Variants in ADARB2 observed in about 807,000 individuals in gnomAD.
ADARB2 encodes adenosine deaminase RNA specific B2 (inactive), also known as inactive double-stranded RNA-specific editase B2.
A neutral mutation model predicts 62.2 loss-of-function variants in ADARB2; 25 were observed. That is an observed-to-expected ratio of 0.40 (90% CI 0.29 to 0.56). The LOEUF (loss-of-function observed/expected upper bound fraction) is 0.56. Ranked by LOEUF, ADARB2 falls within the 20% of genes least tolerant of loss-of-function variation. The pLI, the probability that ADARB2 is intolerant of heterozygous loss-of-function variation, is 0.43. For synonymous variants in ADARB2, 572 were observed against 500.8 expected (o/e 1.14, Z -1.90); for missense variants, 1,071 against 1,077.4 (o/e 0.99, Z 0.08).
At chr10:1,462,383 C>T (rs904899990) in intron 1 of ADARB2, among the ~76,000 whole-genome samples, 5 of 152,256 alleles carry the variant, frequency 3.3e-5, no homozygotes, top group Admixed American at 2.6e-4. Flanking sequence ...ACAAAAGGTA[C>T]TCCACACAAG....
chr10:1,456,757 G>T (rs552259684), intron 1 of ADARB2, among the ~76,000 whole-genome samples: 6 of 152,260 alleles, frequency 3.9e-5, no homozygotes, highest in Admixed American at 1.3e-4. Context: ...TGAGACTTCT[G>T]TAAGAAAATA....
At chr10:1,467,791 T>G (rs1012136614) in intron 1 of ADARB2, among the ~76,000 whole-genome samples, 1 of 152,188 alleles carries the variant, frequency 6.6e-6, no homozygotes, top group Non-Finnish European at 1.5e-5. Flanking sequence ...CTTCCGTTAT[T>G]CCATCCTGTG....
chr10:1,714,085 T>C (rs1212552293), intron 1 of ADARB2, among the ~76,000 whole-genome samples: 1 of 152,208 alleles, frequency 6.6e-6, no homozygotes, highest in African/African-American at 2.4e-5. Flanking sequence ...AAGGTACTCT[T>C]TGGACTGGAT....
At chr10:1,643,416 A>G (rs1834001280) in intron 1 of ADARB2, among the ~76,000 whole-genome samples, 1 of 152,206 alleles carries the variant, frequency 6.6e-6, no homozygotes, top group South Asian at 2.1e-4. Flanking sequence ...TTGACGTGTT[A>G]CATTTTCCCA....
chr10:1,491,338 AGG>A (rs1218202934), intron 1 of ADARB2, among the ~76,000 whole-genome samples: 1 of 152,150 alleles, frequency 6.6e-6, no homozygotes, highest in East Asian at 1.9e-4. Context: ...CTAAAGTGCT[AGG>A]ATTACAGGCA....
At chr10:1,270,438 G>A (rs1831250011) in intron 4 of ADARB2, among the ~76,000 whole-genome samples, 1 of 152,162 alleles carries the variant, frequency 6.6e-6, no homozygotes, top group Non-Finnish European at 1.5e-5. Flanking sequence ...TTATTAATGG[G>A]TTGGTGGCTC....
intron 4 of ADARB2, among the ~76,000 whole-genome samples, chr10:1,248,125 C>T (rs73592257): frequency 0.029 from 4,344 of 152,194 alleles, 201 homozygotes; most frequent in African/African-American, 0.098. Flanking sequence ...GCAGCAAAGA[C>T]GCCAGGCGAG....
chr10:1,417,521 T>C (rs4382822), intron 1 of ADARB2, among the ~76,000 whole-genome samples: 1 of 152,244 alleles, frequency 6.6e-6, no homozygotes, highest in Non-Finnish European at 1.5e-5. Flanking sequence ...ATTCCTATTT[T>C]ACACGTGAAC....
intron 1 of ADARB2, among the ~76,000 whole-genome samples, chr10:1,492,733 C>T (rs1368549111): frequency 1.3e-5 from 2 of 151,934 alleles, no homozygotes; most frequent in African/African-American, 2.4e-5. Flanking sequence ...GGACCCCGGC[C>T]TTCTGAGTCT....
chr10:1,391,224 AGCTCCT>A (rs1213493880), intron 1 of ADARB2, among the ~76,000 whole-genome samples: 2 of 152,120 alleles, frequency 1.3e-5, no homozygotes, highest in Non-Finnish European at 2.9e-5. Context: ...AAACACCTAA[AGCTCCT>A]GCCCAACAAC....
intron 1 of ADARB2, among the ~76,000 whole-genome samples, chr10:1,635,286 G>A (rs1588332428): frequency 6.6e-6 from 1 of 152,184 alleles, no homozygotes; most frequent in Non-Finnish European, 1.5e-5. Flanking sequence ...ATTCAATAGA[G>A]TTTTTGGAGT....
chr10:1,577,828 T>C (rs1267705059), intron 1 of ADARB2, among the ~76,000 whole-genome samples: 1 of 152,098 alleles, frequency 6.6e-6, no homozygotes, highest in Non-Finnish European at 1.5e-5. Flanking sequence ...AAACAGGTAA[T>C]TAAGATAAAA....
intron 1 of ADARB2, among the ~76,000 whole-genome samples, chr10:1,636,754 T>G (rs1475848341): frequency 6.7e-6 from 1 of 149,052 alleles, no homozygotes; most frequent in Non-Finnish European, 1.5e-5. Flanking sequence ...ATAATATACA[T>G]CATATCAATA....
intron 1 of ADARB2, among the ~76,000 whole-genome samples, chr10:1,639,727 A>G (rs1833956413): frequency 6.6e-6 from 1 of 152,142 alleles, no homozygotes; most frequent in East Asian, 1.9e-4. Flanking sequence ...CTGTAGTCCC[A>G]GCTACTCAGG....
At chr10:1,455,352 A>C (rs1831084460) in intron 1 of ADARB2, among the ~76,000 whole-genome samples, 1 of 152,246 alleles carries the variant, frequency 6.6e-6, no homozygotes, top group Non-Finnish European at 1.5e-5. Context: ...TGAGCAAAAT[A>C]ATTAGGAAAT....
chr10:1,566,017 A>G (rs1832856480), intron 1 of ADARB2, among the ~76,000 whole-genome samples: 1 of 148,104 alleles, frequency 6.8e-6, no homozygotes, highest in African/African-American at 2.5e-5. Flanking sequence ...AAAGATCTTA[A>G]TACTTTTCTC....
At chr10:1,304,631 G>C (rs951281300) in intron 3 of ADARB2, among the ~76,000 whole-genome samples, 4 of 150,654 alleles carry the variant, frequency 2.7e-5, no homozygotes, top group Non-Finnish European at 4.5e-5. Flanking sequence ...TGGAAGTAAA[G>C]CTCTCCTCAG....
At chr10:1,232,343 GCTGTGTGTGGTGTGTGTGGT>G (rs1312971057) in intron 6 of ADARB2, among the ~76,000 whole-genome samples, 3 of 152,076 alleles carry the variant, frequency 2.0e-5, no homozygotes, top group South Asian at 2.1e-4. Context: ...TGTTGTATAT[GCTGTGTGTGGTGTGTGTGGT>G]CTGTGTGTGG....
chr10:1,347,474 C>T (rs1832091175), intron 3 of ADARB2, among the ~76,000 whole-genome samples: 2 of 152,224 alleles, frequency 1.3e-5, no homozygotes, highest in Non-Finnish European at 2.9e-5. Context: ...TTAGGTCCCA[C>T]AGCTGGTAAG....
Sources: allele counts gnomAD v4.1 joint callset (sites outside exome capture counted in the v4.1 genomes callset), GRCh38; gene constraint gnomAD v4.1.1; transcripts MANE v1.5; gene names NCBI Gene and HGNC (gene_info 2026-07-23, HGNC 2026-07-21).